Variants in PATJ observed in about 807,000 individuals in gnomAD.
PATJ encodes the protein inaD-like protein.
Under a neutral mutation model 224.9 loss-of-function variants are expected in PATJ, and 190 were observed. That is an observed-to-expected ratio of 0.84 (90% CI 0.75 to 0.95). PATJ has a LOEUF of 0.95. PATJ is among the 40% of genes least tolerant of loss of function. The probability of loss-of-function intolerance (pLI) is 0.00; values close to 1 mark genes in which losing one functional copy is unlikely to be tolerated. For synonymous variants in PATJ, 769 were observed against 820.3 expected (o/e 0.94, Z 1.07); for missense variants, 2,121 against 2,270.3 (o/e 0.93, Z 1.34).
intron 14 of PATJ, chr1:61,816,323 A>G (rs1656099310): frequency 6.6e-6 from 1 of 152,026 alleles, no homozygotes; most frequent in Non-Finnish European, 1.5e-5. Context: ...TCCCCTTCCC[A>G]TTTTTAATAT....
chr1:62,088,614 A>G (rs544490327), intron 33 of PATJ, among the ~76,000 whole-genome samples: 9 of 152,200 alleles, frequency 5.9e-5, no homozygotes, highest in African/African-American at 2.2e-4. Flanking sequence ...TACAGAGATA[A>G]TAATACCTTG....
At chr1:61,916,042 AT>A (rs1673416152) in intron 26 of PATJ, among the ~76,000 whole-genome samples, 1 of 151,870 alleles carries the variant, frequency 6.6e-6, no homozygotes, top group African/African-American at 2.4e-5. Flanking sequence ...ATTCCTAGGT[AT>A]TTTATTTTGC....
chr1:62,079,398 C>A (rs1421190228), intron 31 of PATJ, 52 bp from the exon 32 acceptor site: 1 of 1,075,402 alleles, frequency 9.3e-7, no homozygotes, highest in Non-Finnish European at 1.4e-6. Context: ...AAAGTATTTT[C>A]TTGTTACCTT....
chr1:62,071,280 G>A (rs1657354121), intron 31 of PATJ, among the ~76,000 whole-genome samples: 1 of 152,102 alleles, frequency 6.6e-6, no homozygotes, highest in African/African-American at 2.4e-5. Flanking sequence ...GGAACATGGG[G>A]CTACCATAGC....
chr1:61,921,695 T>C (rs1331090660), intron 26 of PATJ, among the ~76,000 whole-genome samples: 1 of 152,174 alleles, frequency 6.6e-6, no homozygotes, highest in Non-Finnish European at 1.5e-5. Flanking sequence ...AATGTGTAGA[T>C]ACTGGATGAT....
At chr1:61,775,130 G>A (rs1646840708) in intron 6 of PATJ, 76 bp from the exon 7 acceptor site, 1 of 1,400,156 alleles carries the variant, frequency 7.1e-7, no homozygotes, top group Non-Finnish European at 9.6e-7. Flanking sequence ...TGTTACTTTG[G>A]TAATGATTGT....
Position 61,914,610 on chromosome 1 carries a change from G to T in PATJ, c.3516G>T (p.Lys1172Asn). 6.3e-7 allele frequency: 1 copy of T among 1,575,312 alleles called. No homozygotes were observed. The highest frequency in any genetic ancestry group is 1.1e-5 in the South Asian group (1 of 90,012). ...TPRVIPNVHN[K>N]ANKITGNQNQ... ...AGGTCATTCCTAACGTACATAACAAGGCCAACAAAATCACCGGTAACCAGA... is the reference window on the plus strand; with the variant it reads ...AGGTCATTCCTAACGTACATAACAATGCCAACAAAATCACCGGTAACCAGA... Residue 1172 changes from lysine (K) to asparagine (N), a missense_variant, in exon 26 of 44, where the codon AAG becomes AAT. Transcript: ENST00000642238.
chr1:62,096,669 G>A (rs534219684), intron 33 of PATJ, among the ~76,000 whole-genome samples: 1 of 152,280 alleles, frequency 6.6e-6, no homozygotes, highest in East Asian at 1.9e-4. Context: ...AGGCTGGAGT[G>A]CAATGGCGCG....
chr1:61,790,660 T>C (rs1030362757), intron 8 of PATJ, among the ~76,000 whole-genome samples: 1 of 151,820 alleles, frequency 6.6e-6, no homozygotes, highest in Non-Finnish European at 1.5e-5. Context: ...GTTACAGGCA[T>C]GTGCCACCAT....
chr1:62,001,776 G>A (rs1030694101), intron 28 of PATJ, among the ~76,000 whole-genome samples: 1 of 152,146 alleles, frequency 6.6e-6, no homozygotes, highest in East Asian at 1.9e-4. Context: ...ACCTTAGGCA[G>A]TATGGCCATT....
chr1:61,914,111 A>G (rs969509351), intron 25 of PATJ, among the ~76,000 whole-genome samples: 10 of 152,296 alleles, frequency 6.6e-5, no homozygotes, highest in African/African-American at 2.2e-4. Context: ...TTTACTCTTT[A>G]GATGAAGTTA....
chr1:62,082,429 T>G (rs1659399092), intron 32 of PATJ, among the ~76,000 whole-genome samples: 1 of 152,212 alleles, frequency 6.6e-6, no homozygotes, highest in South Asian at 2.1e-4. Flanking sequence ...AAATTCCTGC[T>G]TAGGAACTCA....
chr1:61,812,957 T>C (rs1655163780), intron 14 of PATJ, among the ~76,000 whole-genome samples: 1 of 152,104 alleles, frequency 6.6e-6, no homozygotes, highest in South Asian at 2.1e-4. Flanking sequence ...CTCTCCTTAG[T>C]AGTGTGGACT....
rs748914578 is a variant in PATJ, at chr1:61,833,824, T to C, written c.2112+39T>C. On this transcript the variant is annotated intron_variant, in intron 17 of 43. Coordinates refer to ENST00000642238, the MANE Select transcript of PATJ (RefSeq NM_001350145.3). The stretch of plus-strand genomic sequence containing the variant: ...TGTAGAGGTGTTTTCTTTGGAGTGA[T>C]TGGTTTGTATTAAAGTTATGGGAAG... The C allele has an allele frequency of 3.8e-6, 6 of 1,577,260 alleles. No individual in the cohort carries two copies. The East Asian group carries it at 9.1e-5, about 24-fold the overall frequency.
chr1:61,791,433 G>C lies in PATJ; in HGVS notation c.1154G>C (p.Gly385Ala). The C allele has an allele frequency of 6.3e-7, 1 of 1,587,826 alleles. No individual in the cohort carries two copies. The highest frequency in any genetic ancestry group is 8.6e-7 in the Non-Finnish European group (1 of 1,156,262). The change falls in exon 9 of 44, where the codon GGA (glycine) becomes GCA (alanine). Residue 385 changes from glycine to alanine, a missense_variant. Gly to Ala is a moderately conservative substitution (Grantham distance 60, BLOSUM62 0). Transcript: ENST00000642238. ...SLGIRIVGYVGTSHTGEASGI... is the reference protein window; with the variant it reads ...SLGIRIVGYVATSHTGEASGI... ...GGAATTAGAATTGTTGGCTATGTTG[G>C]AACATCTCATACAGGTAAATGAATC...
chr1:61,965,965 G>A (rs61775620), intron 27 of PATJ, among the ~76,000 whole-genome samples: 58,769 of 152,130 alleles, frequency 0.39, 12,973 homozygotes, highest in East Asian at 0.79. Flanking sequence ...GCAATGGCAC[G>A]ATCTTGGCTC....
chr1:61,949,007 T>C (rs552855631), intron 27 of PATJ, among the ~76,000 whole-genome samples: 41 of 144,220 alleles, frequency 2.8e-4, no homozygotes, highest in Admixed American at 1.3e-3. Context: ...AGGTGGGAAT[T>C]GAACAGTGAG....
In PATJ at chr1:62,108,760, T is replaced by A. The variant is rs1395786218; in HGVS notation, c.4461+240T>A. 2.6e-5 allele frequency among the ~76,000 whole-genome samples: 4 copies of A among 152,314 alleles called. No individual in the cohort carries two copies. In the East Asian group the frequency reaches 7.7e-4, roughly 29 times the overall value. On this transcript the variant is annotated intron_variant, in intron 34 of 43. Coordinates refer to ENST00000642238, the MANE Select transcript of PATJ (RefSeq NM_001350145.3). ...TAACTAAAAGGAAAAATAGAACTTA[T>A]GGGTCTATTATTTTAATATCAAATG...
chr1:62,029,870 T>A (rs1352680297), intron 29 of PATJ, among the ~76,000 whole-genome samples: 1 of 152,146 alleles, frequency 6.6e-6, no homozygotes, highest in Non-Finnish European at 1.5e-5. Context: ...AGTAAGAAGT[T>A]CTCCAGCAAC....
Sources: allele counts gnomAD v4.1 joint callset (sites outside exome capture counted in the v4.1 genomes callset), GRCh38; gene constraint gnomAD v4.1.1; transcripts MANE v1.5; gene names NCBI Gene and HGNC (gene_info 2026-07-23, HGNC 2026-07-21).